The following HYDIN variants were observed in gnomAD, a reference collection of about 807,000 sequenced individuals.
HYDIN encodes the protein axonemal central pair apparatus protein HYDIN.
HYDIN carries 132 observed loss-of-function variants against 403.9 expected under a neutral mutation model. That is an observed-to-expected ratio of 0.33 (90% CI 0.28 to 0.38). HYDIN has a LOEUF of 0.38. HYDIN is among the 10% of genes least tolerant of loss of function. HYDIN has a pLI of 1.00. For missense variants in HYDIN, 2,827 were observed against 5,009.5 expected (o/e 0.56, Z 13.15); for synonymous variants, 1,202 against 1,891.7 (o/e 0.64, Z 9.46).
intron 71 of HYDIN, among the ~76,000 whole-genome samples, chr16:70,859,006 A>ACT (rs2039217425): frequency 6.6e-6 from 1 of 151,864 alleles, no homozygotes; most frequent in Non-Finnish European, 1.5e-5. Flanking sequence ...CTTCACATAG[A>ACT]ACTTTGGAAT....
chr16:71,093,923 C>A lies in HYDIN; in HGVS notation c.1340G>T (p.Arg447Leu). 6.2e-7 allele frequency: 1 copy of A among 1,613,360 alleles called. No individual in the cohort carries two copies. ...IYCDILGREI[R>L]LPLRIKGEGM... ...TTCCCCTTTGATTCGGAGGGGCAGA[C>A]GGATTTCTCGGCCTAGAAAAACAAT... The change falls in exon 11 of 86, where the codon CGT becomes CTT. Residue 447 changes from arginine (R) to leucine (L), a missense_variant. Physicochemically the swap from Arg to Leu is moderately radical, Grantham distance 102. Coordinates refer to ENST00000393567, the MANE Select transcript of HYDIN (RefSeq NM_001270974.2).
chr16:71,020,420 T>C, intron 21 of HYDIN, 103 bp from the exon 22 acceptor site: 1 of 1,426,044 alleles, frequency 7.0e-7, no homozygotes, highest in Non-Finnish European at 9.4e-7. Context: ...TTAGCAATCT[T>C]TCTTTTTCTT....
chr16:70,818,759 C>T (rs1024464654), intron 83 of HYDIN, among the ~76,000 whole-genome samples, 187 bp from the exon 84 acceptor site: 10 of 147,260 alleles, frequency 6.8e-5, no homozygotes, highest in East Asian at 6.0e-4. Context: ...TTAGGGATTC[C>T]GGCTCCTCCC....
chr16:71,030,792 C>T (rs2080878524), intron 19 of HYDIN, among the ~76,000 whole-genome samples: 1 of 152,176 alleles, frequency 6.6e-6, no homozygotes, highest in Non-Finnish European at 1.5e-5. Context: ...TACTGTACCA[C>T]AGCTTATTTA....
At chr16:71,179,095 A>G (rs766414332) in intron 3 of HYDIN, 48 bp from the exon 4 acceptor site, 2 of 1,506,572 alleles carry the variant, frequency 1.3e-6, no homozygotes, top group Non-Finnish European at 9.1e-7. Context: ...ATTGACAAAA[A>G]TGACTGGGGA....
At chr16:71,068,294 A>G (rs569740744) in intron 14 of HYDIN, among the ~76,000 whole-genome samples, 1 of 148,918 alleles carries the variant, frequency 6.7e-6, no homozygotes, top group South Asian at 2.1e-4. Flanking sequence ...TCTGGTACTA[A>G]TTAAAATGTT....
chr16:70,872,488 C>T (rs1402701747), intron 64 of HYDIN, among the ~76,000 whole-genome samples: 1 of 149,702 alleles, frequency 6.7e-6, no homozygotes, highest in Non-Finnish European at 1.5e-5. Flanking sequence ...TCCACCCATC[C>T]ATCATCCACC....
chr16:70,854,444 C>T (rs550761530), intron 73 of HYDIN, among the ~76,000 whole-genome samples: 156 of 150,962 alleles, frequency 1.0e-3, no homozygotes, highest in Middle Eastern at 3.4e-3. Flanking sequence ...GAGGGAGTTT[C>T]GCTCTTGTCA....
chr16:70,949,356 T>C (rs1350704153), intron 41 of HYDIN, among the ~76,000 whole-genome samples: 2 of 150,676 alleles, frequency 1.3e-5, no homozygotes, highest in African/African-American at 4.9e-5. Context: ...ATACCTAATG[T>C]TAGAGGACGA....
At chr16:70,934,590 AC>A (rs1236065763) in intron 45 of HYDIN, among the ~76,000 whole-genome samples, 4 of 152,042 alleles carry the variant, frequency 2.6e-5, no homozygotes, top group Non-Finnish European at 5.9e-5. Flanking sequence ...AGACCAGGCA[AC>A]CGCATTAGTC....
At chr16:71,009,275 G>A (rs1415921317) in intron 23 of HYDIN, among the ~76,000 whole-genome samples, 2 of 147,734 alleles carry the variant, frequency 1.4e-5, no homozygotes, top group East Asian at 2.0e-4. Context: ...GAGGGATGAT[G>A]GAAGAGACAC....
intron 41 of HYDIN, among the ~76,000 whole-genome samples, chr16:70,945,843 C>T (rs1283507319): frequency 3.3e-5 from 5 of 151,886 alleles, no homozygotes; most frequent in Admixed American, 1.3e-4. Context: ...AAAGAGCAGC[C>T]GTGGAATGGT....
In HYDIN at chr16:71,067,394, G is replaced by A. The variant is rs1158360615; in HGVS notation, c.1975-4C>T. On this transcript the variant is annotated splice_region_variant and splice_polypyrimidine_tract_variant and intron_variant, in intron 14 of 85. Transcript: ENST00000393567. Reference sequence around the variant, plus strand: ...CAGTGTTGGAGCATAATGTCACCTGGAAAGAAAAAGGTGACAAGTTGGTCT... The same window carrying A: ...CAGTGTTGGAGCATAATGTCACCTGAAAAGAAAAAGGTGACAAGTTGGTCT... 4 of 1,597,810 alleles carry A rather than the reference G, an allele frequency of 2.5e-6. No individual in the cohort carries two copies. The highest frequency in any genetic ancestry group is 3.4e-6 in the Non-Finnish European group (4 of 1,171,682).
At chr16:70,921,990 T>C (rs1448597946) in intron 45 of HYDIN, among the ~76,000 whole-genome samples, 1 of 152,246 alleles carries the variant, frequency 6.6e-6, no homozygotes, top group Non-Finnish European at 1.5e-5. Context: ...TTTTGGGTCA[T>C]TCTTTGATGA....
At chr16:70,817,725 CTATTT>C (rs912854536) in intron 84 of HYDIN, among the ~76,000 whole-genome samples, 3 of 152,104 alleles carry the variant, frequency 2.0e-5, no homozygotes, top group South Asian at 2.1e-4. Context: ...CTATTCTATA[CTATTT>C]TATTTTATTA....
chr16:71,096,450 C>A (rs1299953034), intron 10 of HYDIN, among the ~76,000 whole-genome samples: 2 of 152,182 alleles, frequency 1.3e-5, no homozygotes, highest in Non-Finnish European at 2.9e-5. Flanking sequence ...AATATTGTTT[C>A]TTCTCCACTT....
intron 23 of HYDIN, among the ~76,000 whole-genome samples, chr16:70,995,815 A>G (rs941110391): frequency 3.3e-5 from 5 of 152,178 alleles, no homozygotes; most frequent in Admixed American, 2.6e-4. Flanking sequence ...GGGAGCGTCC[A>G]CTACAGAGGA....
chr16:70,989,660 T>C (rs893303141), intron 25 of HYDIN, among the ~76,000 whole-genome samples: 3 of 152,326 alleles, frequency 2.0e-5, no homozygotes, highest in Admixed American at 6.5e-5. Flanking sequence ...AAGTTGATTG[T>C]ACATGATACA....
intron 49 of HYDIN, among the ~76,000 whole-genome samples, chr16:70,908,003 A>G (rs1325436736): frequency 6.6e-6 from 1 of 152,190 alleles, no homozygotes; most frequent in Admixed American, 6.5e-5. Context: ...TAATTTGCCA[A>G]AGGAAGACTT....
Sources: allele counts gnomAD v4.1 joint callset (sites outside exome capture counted in the v4.1 genomes callset), GRCh38; gene constraint gnomAD v4.1.1; transcripts MANE v1.5; gene names NCBI Gene and HGNC (gene_info 2026-07-23, HGNC 2026-07-21).